FOXN3: variants seen among roughly 807,000 people sequenced by gnomAD.
FOXN3 encodes the protein forkhead box N3.
In FOXN3, 7 loss-of-function variants were observed where a neutral mutation model predicts 38.4. The ratio of observed to expected loss-of-function variants is 0.18; its 90% CI spans 0.10 to 0.34. The LOEUF (loss-of-function observed/expected upper bound fraction) is 0.34, where lower values mean the gene tolerates loss of function less well. Among genes scored for constraint, FOXN3 ranks in the 10% least tolerant of loss-of-function variants. FOXN3 has a pLI of 1.00. For missense variants in FOXN3, 456 were observed against 613.4 expected (o/e 0.74, Z 2.71); for synonymous variants, 230 against 242.2 (o/e 0.95, Z 0.47).
intron 1 of FOXN3, among the ~76,000 whole-genome samples, chr14:89,529,733 T>C (rs1894516268): frequency 1.3e-5 from 2 of 152,118 alleles, no homozygotes; most frequent in African/African-American, 2.4e-5. Flanking sequence ...GATTATACAA[T>C]GCTTCTGGAT....
rs555030724 is a variant in FOXN3 at position 89,289,271 on chromosome 14, C to CAAATAATT, written c.681-8265_681-8258dup. On this transcript the variant is annotated intron_variant, in intron 3 of 5. Transcript: ENST00000557258. ...AAATCAGAGCAGAAAGCCAAACTAA[C>CAAATAATT]AAATAATTCCTTAGGCTTTAGGAGA... Among the ~76,000 whole-genome samples the CAAATAATT allele has an allele frequency of 1.1e-4, 16 of 151,072 alleles. No homozygotes were observed. In the South Asian group the frequency reaches 2.9e-3, roughly 28 times the overall value.
intron 1 of FOXN3, among the ~76,000 whole-genome samples, chr14:89,604,414 G>A (rs372458552): frequency 1.4e-4 from 22 of 152,218 alleles, no homozygotes; most frequent in Admixed American, 5.2e-4. Flanking sequence ...AAAAGGGAAC[G>A]AGTATATAAG....
At chr14:89,505,377 T>C (rs541903651) in intron 1 of FOXN3, among the ~76,000 whole-genome samples, 3 of 147,018 alleles carry the variant, frequency 2.0e-5, no homozygotes, top group East Asian at 4.3e-4. Flanking sequence ...CCTCCCTGCC[T>C]GTTTCTCCTG....
At chr14:89,371,535 T>C (rs1035221161) in intron 2 of FOXN3, among the ~76,000 whole-genome samples, 1 of 152,008 alleles carries the variant, frequency 6.6e-6, no homozygotes, top group Non-Finnish European at 1.5e-5. Flanking sequence ...TGGGAACTGC[T>C]GCAACAGCTG....
chr14:89,256,674 C>T (rs939102210), intron 4 of FOXN3, among the ~76,000 whole-genome samples: 1 of 152,176 alleles, frequency 6.6e-6, no homozygotes, highest in Non-Finnish European at 1.5e-5. Context: ...TTCTTTTCTG[C>T]TCTCCCTAAT....
intron 1 of FOXN3, among the ~76,000 whole-genome samples, chr14:89,564,438 A>G (rs11623823): frequency 0.46 from 70,459 of 152,028 alleles, 19,554 homozygotes; most frequent in Non-Finnish European, 0.64. Flanking sequence ...ATTGACTCAC[A>G]TGCCCTCCTT....
intron 1 of FOXN3, among the ~76,000 whole-genome samples, chr14:89,533,616 C>T (rs867885683): frequency 8.7e-5 from 11 of 127,020 alleles, no homozygotes; most frequent in African/African-American, 3.3e-4. Flanking sequence ...GAGCGGAGAT[C>T]GCACCACTGC....
chr14:89,466,911 C>T (rs1324790872), intron 1 of FOXN3, among the ~76,000 whole-genome samples: 1 of 152,190 alleles, frequency 6.6e-6, no homozygotes, highest in East Asian at 1.9e-4. Context: ...AAAGGGAGAA[C>T]ATCTGAATCT....
intron 1 of FOXN3, among the ~76,000 whole-genome samples, chr14:89,557,547 G>A (rs373693961): frequency 1.4e-4 from 22 of 152,152 alleles, no homozygotes; most frequent in African/African-American, 3.1e-4. Flanking sequence ...CCTGGACTAC[G>A]GCTTGACCTC....
At chr14:89,481,489 C>T (rs1400389238) in intron 1 of FOXN3, among the ~76,000 whole-genome samples, 3 of 152,032 alleles carry the variant, frequency 2.0e-5, no homozygotes, top group Non-Finnish European at 4.4e-5. Context: ...GGTCTGAGAA[C>T]AGATTCCAGG....
In FOXN3 at chr14:89,162,466, G is replaced by A. The variant is rs1256993931; in HGVS notation, c.1355C>T (p.Thr452Ile). ...TTTCTGCCCCTTTGCCGTCCGATTG[G>A]TGATGTTATTCAAACAGGACCGGAT... ...AGIRSCLNNI[T>I]NRTAKGQKEQ... Residue 452 changes from threonine to isoleucine, a missense_variant, in exon 6 of 6, where the codon ACC (threonine) becomes ATC (isoleucine). Physicochemically the swap from Thr to Ile is moderately conservative, Grantham distance 89 (BLOSUM62 -1). Transcript: ENST00000557258. The surrounding 1 kb of genome is among the most constrained non-coding windows in gnomAD (Gnocchi z 7.2). The A allele has an allele frequency of 8.7e-6, 14 of 1,601,668 alleles. No homozygotes were observed. Among genetic ancestry groups the A allele is most frequent in the Non-Finnish European group, 1.2e-5 (14 of 1,174,452 alleles).
chr14:89,218,088 A>G (rs139235187), intron 4 of FOXN3, among the ~76,000 whole-genome samples: 4 of 152,264 alleles, frequency 2.6e-5, no homozygotes, highest in African/African-American at 9.6e-5. Context: ...TGACATTTTT[A>G]TGGTTCCTGG....
chr14:89,401,538 C>T (rs1248166778), intron 2 of FOXN3: 2 of 454,780 alleles, frequency 4.4e-6, no homozygotes, highest in African/African-American at 4.0e-5. Context: ...GTGCGGTATT[C>T]CAGGAGTACC....
rs1244255549 is a variant in FOXN3 at position 89,157,025 on chromosome 14, T to A, written c.*5389A>T. 1.3e-5 allele frequency: 2 copies of A among 152,676 alleles called. No homozygotes were observed. Among genetic ancestry groups the A allele is most frequent in the African/African-American group, 4.8e-5 (2 of 41,462 alleles). 9.5% of individuals were successfully genotyped at this position (152,676 alleles called of 1,614,324 possible). A position where few individuals can be genotyped will look rare whatever the true frequency, so the allele number is the denominator to read the frequency against. ...AATCCAATATGGAATATCAATTATT[T>A]TGCAAAAGGTAGAGAAAGCAGTTCT... On this transcript the variant is annotated 3_prime_UTR_variant, in exon 6 of 6. Coordinates refer to ENST00000557258, the MANE Select transcript of FOXN3 (RefSeq NM_005197.4).
intron 1 of FOXN3, among the ~76,000 whole-genome samples, chr14:89,482,726 T>C (rs1382454141): frequency 1.3e-5 from 2 of 149,894 alleles, no homozygotes; most frequent in Non-Finnish European, 3.0e-5. Flanking sequence ...CTGGCCAACA[T>C]GGTGAAACCC....
intron 3 of FOXN3, among the ~76,000 whole-genome samples, chr14:89,348,248 G>A (rs999588997): frequency 3.9e-5 from 6 of 152,082 alleles, no homozygotes; most frequent in Non-Finnish European, 7.4e-5. Context: ...GGGCTGACGG[G>A]TGATTCCCCG....
intron 2 of FOXN3, among the ~76,000 whole-genome samples, chr14:89,357,544 GTTGCGGT>G (rs1008966763): frequency 3.9e-5 from 6 of 151,966 alleles, no homozygotes; most frequent in Admixed American, 3.9e-4. Context: ...GGAGGCGAAG[GTTGCGGT>G]GAGCCGAGAT....
chr14:89,455,521 A>C (rs556191809), intron 1 of FOXN3, among the ~76,000 whole-genome samples: 1 of 152,292 alleles, frequency 6.6e-6, no homozygotes, highest in African/African-American at 2.4e-5. Context: ...CGCAAGTTCC[A>C]CCCTAAATGC....
At chr14:89,550,076 C>T (rs141585795) in intron 1 of FOXN3, among the ~76,000 whole-genome samples, 3 of 152,332 alleles carry the variant, frequency 2.0e-5, no homozygotes, top group Non-Finnish European at 4.4e-5. Flanking sequence ...AGGAGAACTA[C>T]AAGCAAACAC....
Sources: allele counts gnomAD v4.1 joint callset (sites outside exome capture counted in the v4.1 genomes callset), GRCh38; gene constraint gnomAD v4.1.1; non-coding constraint Gnocchi (gnomAD v3.1); transcripts MANE v1.5; gene names NCBI Gene and HGNC (gene_info 2026-07-23, HGNC 2026-07-21).